ECT2L: variants seen among roughly 807,000 people sequenced by gnomAD.
ECT2L encodes epithelial cell-transforming sequence 2 oncogene-like.
In ECT2L, 126 loss-of-function variants were observed where a neutral mutation model predicts 122.8. The observed-to-expected ratio is 1.03, with a 90% CI of 0.89 to 1.19. The LOEUF is 1.19. Ranked by LOEUF, ECT2L falls within the 50% of genes most tolerant of loss-of-function variation. The pLI, the probability that ECT2L is intolerant of heterozygous loss-of-function variation, is 0.00. For missense variants in ECT2L, 1,012 were observed against 1,064.1 expected (o/e 0.95, Z 0.68); for synonymous variants, 385 against 381.8 (o/e 1.01, Z -0.10).
chr6:138,873,103 T>A (rs1412600806), intron 13 of ECT2L, among the ~76,000 whole-genome samples: 1 of 152,184 alleles, frequency 6.6e-6, no homozygotes, highest in Non-Finnish European at 1.5e-5. Context: ...ATTATGTTCA[T>A]AAAATAATGC....
chr6:138,810,881 G>A (rs1388479506), intron 1 of ECT2L, among the ~76,000 whole-genome samples: 2 of 152,238 alleles, frequency 1.3e-5, no homozygotes, highest in East Asian at 3.9e-4. Flanking sequence ...TGAGCTCTGT[G>A]CTAAAAATAT....
At chr6:138,821,502 C>G (rs1776267477) in intron 4 of ECT2L, among the ~76,000 whole-genome samples, 1 of 152,154 alleles carries the variant, frequency 6.6e-6, no homozygotes, top group Non-Finnish European at 1.5e-5. Flanking sequence ...AGGCCCATGC[C>G]CACTTCTGGC....
intron 9 of ECT2L, among the ~76,000 whole-genome samples, chr6:138,853,346 C>G (rs979241478): frequency 6.6e-6 from 1 of 152,136 alleles, no homozygotes. Context: ...ATTGTGTTTT[C>G]CCAAAAGCTT....
chr6:138,891,103 TAAG>T (rs978008371), intron 20 of ECT2L, among the ~76,000 whole-genome samples: 27 of 152,204 alleles, frequency 1.8e-4, no homozygotes, highest in African/African-American at 6.5e-4. Context: ...TCTCCTCCCT[TAAG>T]AATTCAGGCA....
At position 138,881,072 on chromosome 6, in the gene ECT2L, C is replaced by T; in HGVS notation, c.1781C>T (p.Ala594Val). The stretch of plus-strand genomic sequence containing the variant: ...GAAATTGTGAGAGATGTTTATGTCG[C>T]ACCACTGAAAGCAGCATTGTCATCA... ...ILEIVRDVYV[A>V]PLKAALSSNR... Residue 594 changes from alanine (A) to valine (V), a missense_variant, in exon 15 of 22, where the codon GCA becomes GTA. By Grantham distance (64) the Ala-to-Val change is moderately conservative (BLOSUM62 0). Coordinates refer to ENST00000541398, the MANE Select transcript of ECT2L (RefSeq NM_001077706.3). The T allele has an allele frequency of 1.9e-6, 3 of 1,614,156 alleles. No individual in the cohort carries two copies. The highest frequency in any genetic ancestry group is 2.7e-5 in the African/African-American group (2 of 75,044).
intron 7 of ECT2L, 54 bp from the exon 8 acceptor site, chr6:138,846,484 CA>C: frequency 6.6e-7 from 1 of 1,522,840 alleles, no homozygotes; most frequent in Non-Finnish European, 8.8e-7. Context: ...GTGTACTTAC[CA>C]AAACTCAAGG....
At chr6:138,850,625 T>C (rs1777403818) in intron 9 of ECT2L, among the ~76,000 whole-genome samples, 2 of 152,220 alleles carry the variant, frequency 1.3e-5, no homozygotes, top group African/African-American at 2.4e-5. Flanking sequence ...TGCAACCATC[T>C]CTTTGAGATC....
chr6:138,886,725 T>C, intron 18 of ECT2L, 132 bp from the exon 19 acceptor site: 1 of 704,186 alleles, frequency 1.4e-6, no homozygotes, highest in Non-Finnish European at 2.4e-6. Flanking sequence ...GCCCAGAAAT[T>C]TGAAACTTTC....
At chr6:138,850,994 C>CAAAAAAAAAAAAAAAAA (rs34453938) in intron 9 of ECT2L, among the ~76,000 whole-genome samples, 1 of 57,770 alleles carries the variant, frequency 1.7e-5, no homozygotes, top group African/African-American at 6.4e-5. Flanking sequence ...AACTCCATCT[C>CAAAAAAAAAAAAAAAAA]AAAAAAAAAA....
intron 4 of ECT2L, among the ~76,000 whole-genome samples, chr6:138,837,710 T>C (rs1156891459): frequency 6.6e-6 from 1 of 151,492 alleles, no homozygotes; most frequent in African/African-American, 2.4e-5. Flanking sequence ...TCAGTGAATA[T>C]ATCTTTGCTT....
rs747221792 is a variant in ECT2L, at chr6:138,868,084, T to C, written c.1475-19T>C. 7 of 1,513,758 alleles carry C rather than the reference T, an allele frequency of 4.6e-6. No homozygotes were observed. The highest frequency in any genetic ancestry group is 2.8e-5 in the African/African-American group (2 of 72,356). The allele number at this position is 1,513,758 out of a possible 1,614,324, so 93.8% of individuals were successfully genotyped here. On this transcript the variant is annotated intron_variant, in intron 12 of 21. Transcript: ENST00000541398. ...TCTTACATAAATCAATTACAGGGCA[T>C]GTGGCCTTGTATTTACAGGGCAGTT...
chr6:138,873,773 G>A (rs931560403), intron 13 of ECT2L, among the ~76,000 whole-genome samples: 2 of 152,154 alleles, frequency 1.3e-5, no homozygotes, highest in South Asian at 4.1e-4. Flanking sequence ...CAGCCTGGGC[G>A]ACAAGAGCAA....
chr6:138,804,789 TC>T (rs1188401303), intron 1 of ECT2L, among the ~76,000 whole-genome samples: 11 of 152,234 alleles, frequency 7.2e-5, no homozygotes. Context: ...AAGTTGGCAC[TC>T]TTAATTTTTT....
chr6:138,902,475 T>C, intron 21 of ECT2L, 25 bp from the exon 22 acceptor site: 1 of 1,595,686 alleles, frequency 6.3e-7, no homozygotes, highest in Non-Finnish European at 8.5e-7. Context: ...AAAGATTAAT[T>C]AGTATACCTC....
chr6:138,805,232 A>G (rs1197085312), intron 1 of ECT2L, among the ~76,000 whole-genome samples: 5 of 152,138 alleles, frequency 3.3e-5, no homozygotes, highest in Non-Finnish European at 7.3e-5. Context: ...CTACTGGTGG[A>G]TGCTTGGGTT....
chr6:138,876,692 T>G, intron 14 of ECT2L, 134 bp downstream of exon 14: 1 of 606,308 alleles, frequency 1.6e-6, no homozygotes, highest in Non-Finnish European at 2.8e-6. Context: ...ACCTCAAAAA[T>G]TATTAGAGAG....
chr6:138,888,297 C>G (rs1363596453), intron 19 of ECT2L, among the ~76,000 whole-genome samples: 1 of 150,166 alleles, frequency 6.7e-6, no homozygotes, highest in Non-Finnish European at 1.5e-5. Context: ...TGTACCAATT[C>G]ATTCACTTCT....
intron 11 of ECT2L, among the ~76,000 whole-genome samples, chr6:138,864,280 CCACCAT>C (rs1777948440): frequency 6.6e-6 from 1 of 152,084 alleles, no homozygotes; most frequent in Non-Finnish European, 1.5e-5. Context: ...TGAGGTCGTG[CCACCAT>C]ACTCCAGACT....
intron 4 of ECT2L, among the ~76,000 whole-genome samples, chr6:138,832,813 T>C (rs1042758176): frequency 1.3e-5 from 2 of 152,180 alleles, no homozygotes; most frequent in African/African-American, 4.8e-5. Context: ...TTGAAGAGAT[T>C]ATGCTTCATA....
Sources: allele counts gnomAD v4.1 joint callset (sites outside exome capture counted in the v4.1 genomes callset), GRCh38; gene constraint gnomAD v4.1.1; transcripts MANE v1.5; gene names NCBI Gene and HGNC (gene_info 2026-07-23, HGNC 2026-07-21).